Variants in GATAD2A observed in about 807,000 individuals in gnomAD.
The protein encoded by GATAD2A is transcriptional repressor p66-alpha.
In GATAD2A, 12 loss-of-function variants were observed where a neutral mutation model predicts 68.5. The observed-to-expected ratio is 0.18, with a 90% CI of 0.11 to 0.28. GATAD2A has a LOEUF of 0.28. Among genes scored for constraint, GATAD2A ranks in the 10% least tolerant of loss-of-function variants. The pLI is 1.00. For missense variants in GATAD2A, 755 were observed against 868.5 expected, an observed-to-expected ratio of 0.87 and a Z score of 1.64; for synonymous variants, 410 against 375.3, an observed-to-expected ratio of 1.09 and a Z score of -1.07.
intron 1 of GATAD2A, among the ~76,000 whole-genome samples, chr19:19,448,251 C>T (rs1289805056): frequency 6.6e-6 from 1 of 152,364 alleles, no homozygotes; most frequent in South Asian, 2.1e-4. Context: ...TCCCCCTTCA[C>T]AGGCGGCACC....
intron 1 of GATAD2A, chr19:19,436,048 G>A: frequency 1.5e-6 from 1 of 659,106 alleles, no homozygotes; most frequent in Non-Finnish European, 2.5e-6. Context: ...AATTCCAGGG[G>A]TTAGAGACAT....
chr19:19,458,857 T>C (rs1471524011), intron 1 of GATAD2A, among the ~76,000 whole-genome samples: 1 of 152,232 alleles, frequency 6.6e-6, no homozygotes, highest in African/African-American at 2.4e-5. Flanking sequence ...TCCTTAGTCC[T>C]ATGCGTTGGA....
At chr19:19,454,597 C>CA (rs1242274321) in intron 1 of GATAD2A, among the ~76,000 whole-genome samples, 2,165 of 129,832 alleles carry the variant, frequency 0.017, 61 homozygotes, top group African/African-American at 0.054. Flanking sequence ...GACCCTGTCT[C>CA]AAAAAAAAAA....
chr19:19,406,284 C>T (rs902645778), intron 1 of GATAD2A, among the ~76,000 whole-genome samples: 2 of 151,768 alleles, frequency 1.3e-5, no homozygotes, highest in Admixed American at 1.3e-4. Context: ...CGCCCCGCTT[C>T]CGTCCTGCGC....
At chr19:19,500,594 C>G (rs1053529542) in intron 8 of GATAD2A, among the ~76,000 whole-genome samples, 4 of 152,250 alleles carry the variant, frequency 2.6e-5, no homozygotes, top group Admixed American at 2.0e-4. Flanking sequence ...CTTGCTGCCC[C>G]TGTAGCCTGC....
chr19:19,446,364 G>GT (rs1002594848), intron 1 of GATAD2A, among the ~76,000 whole-genome samples: 2 of 152,062 alleles, frequency 1.3e-5, no homozygotes, highest in African/African-American at 2.4e-5. Context: ...TCTTTTGGCT[G>GT]TTTTTTAATT....
At chr19:19,456,165 AAAAAAAGAG>A (rs1273948132) in intron 1 of GATAD2A, among the ~76,000 whole-genome samples, 1 of 150,494 alleles carries the variant, frequency 6.6e-6, no homozygotes, top group African/African-American at 2.5e-5. Flanking sequence ...AAAAAAAAAA[AAAAAAAGAG>A]AGAAAAAGTT....
intron 1 of GATAD2A, among the ~76,000 whole-genome samples, chr19:19,459,662 C>A (rs937971929): frequency 5.3e-5 from 8 of 152,188 alleles, no homozygotes; most frequent in Non-Finnish European, 1.0e-4. Context: ...TTGATAAACA[C>A]TGTGGAAGAA....
At chr19:19,429,017 GT>G (rs35115269) in intron 1 of GATAD2A, among the ~76,000 whole-genome samples, 52,120 of 129,868 alleles carry the variant, frequency 0.4, 9,454 homozygotes, top group African/African-American at 0.57. Flanking sequence ...GCATTTGTAT[GT>G]TTTTTTTTTT....
At chr19:19,420,623 A>C (rs1466951021) in intron 1 of GATAD2A, among the ~76,000 whole-genome samples, 5 of 151,492 alleles carry the variant, frequency 3.3e-5, no homozygotes, top group African/African-American at 4.9e-5. Context: ...TACAGGTGTG[A>C]GCCACCGCGA....
chr19:19,505,215 G>A, intron 11 of GATAD2A, 129 bp from the exon 12 acceptor site: 1 of 759,026 alleles, frequency 1.3e-6, no homozygotes, highest in Non-Finnish European at 2.2e-6. Flanking sequence ...GAGTAGTGTG[G>A]GTGGGTTTGC....
At chr19:19,430,889 A>G (rs13344439) in intron 1 of GATAD2A, among the ~76,000 whole-genome samples, 11,502 of 151,926 alleles carry the variant, frequency 0.076, 1,493 homozygotes, top group African/African-American at 0.26. Context: ...ACTTGATTTC[A>G]TGTAAATTGC....
At chr19:19,495,612 T>G in intron 5 of GATAD2A, 142 bp from the exon 6 acceptor site, 1 of 802,126 alleles carries the variant, frequency 1.2e-6, no homozygotes, top group Non-Finnish European at 1.9e-6. Flanking sequence ...CATCCATAAT[T>G]TTCTTTAACT....
chr19:19,499,725 C>T (rs576699505), intron 8 of GATAD2A, among the ~76,000 whole-genome samples: 5 of 152,138 alleles, frequency 3.3e-5, no homozygotes, highest in East Asian at 1.9e-4. Context: ...CTGGGCCTGG[C>T]GCAGCCTCAG....
At chr19:19,464,514 A>G (rs760207976) in intron 1 of GATAD2A, among the ~76,000 whole-genome samples, 1 of 152,200 alleles carries the variant, frequency 6.6e-6, no homozygotes, top group Non-Finnish European at 1.5e-5. Context: ...GTGAGGGTTA[A>G]CAACACTTCA....
intron 1 of GATAD2A, among the ~76,000 whole-genome samples, chr19:19,459,779 C>T (rs527878571): frequency 8.2e-4 from 125 of 152,330 alleles, no homozygotes; most frequent in African/African-American, 2.8e-3. Flanking sequence ...GGCCAGCCAG[C>T]GTGTGTGTGA....
intron 1 of GATAD2A, among the ~76,000 whole-genome samples, chr19:19,457,789 G>A (rs2057071533): frequency 6.6e-6 from 1 of 151,980 alleles, no homozygotes; most frequent in Admixed American, 6.6e-5. Flanking sequence ...ACTGTGGAAG[G>A]CTTATCAGAG....
At chr19:19,410,819 G>A (rs919261080) in intron 1 of GATAD2A, among the ~76,000 whole-genome samples, 4 of 152,168 alleles carry the variant, frequency 2.6e-5, no homozygotes, top group African/African-American at 7.2e-5. Context: ...ACTTCCTAGC[G>A]AAAGACCTTG....
At chr19:19,453,611 T>C (rs2056613324) in intron 1 of GATAD2A, among the ~76,000 whole-genome samples, 1 of 152,050 alleles carries the variant, frequency 6.6e-6, no homozygotes, top group Non-Finnish European at 1.5e-5. Flanking sequence ...TCCTTCCACC[T>C]CAGCTTCCTG....
Sources: allele counts gnomAD v4.1 joint callset (sites outside exome capture counted in the v4.1 genomes callset), GRCh38; gene constraint gnomAD v4.1.1; transcripts MANE v1.5; gene names NCBI Gene and HGNC (gene_info 2026-07-23, HGNC 2026-07-21).